CPA5: variants seen among roughly 807,000 people sequenced by gnomAD.
The protein encoded by CPA5 is carboxypeptidase A5, also known as testicular tissue protein Li 32.
In CPA5, 38 loss-of-function variants were observed where a neutral mutation model predicts 52.2. That is an observed-to-expected ratio of 0.73 (90% CI 0.56 to 0.95). CPA5 has a LOEUF of 0.95. Among genes scored for constraint, CPA5 ranks in the 40% least tolerant of loss-of-function variants. The pLI is 0.00. For synonymous variants in CPA5, 198 were observed against 213.7 expected, an observed-to-expected ratio of 0.93 and a Z score of 0.64; for missense variants, 519 against 566.7, an observed-to-expected ratio of 0.92 and a Z score of 0.86.
intron 8 of CPA5, 92 bp from the exon 9 acceptor site, chr7:130,362,791 TC>T: frequency 1.3e-6 from 1 of 780,298 alleles, no homozygotes; most frequent in Non-Finnish European, 2.2e-6. Flanking sequence ...TTTCATGCCA[TC>T]CCTTCCTGCA....
At chr7:130,353,726 C>G (rs1018520125) in intron 5 of CPA5, among the ~76,000 whole-genome samples, 1 of 152,164 alleles carries the variant, frequency 6.6e-6, no homozygotes, top group Non-Finnish European at 1.5e-5. Flanking sequence ...TCGTCCCTCA[C>G]CTGGGTTCTT....
chr7:130,361,116 C>T (rs1222003331), intron 6 of CPA5, 27 bp from the exon 7 acceptor site: 1 of 1,464,550 alleles, frequency 6.8e-7, no homozygotes. Flanking sequence ...GCTTAACTGC[C>T]AATCTTACAC....
chr7:130,346,047 A>T (rs1554402027), intron 2 of CPA5, 151 bp downstream of exon 2: 1 of 153,618 alleles, frequency 6.5e-6, no homozygotes, highest in East Asian at 1.9e-4. Context: ...TCCACACCTT[A>T]TGTGTAAGGA....
intron 6 of CPA5, among the ~76,000 whole-genome samples, chr7:130,360,241 G>T (rs1394431881): frequency 6.6e-6 from 1 of 152,198 alleles, no homozygotes; most frequent in Non-Finnish European, 1.5e-5. Flanking sequence ...CAATCCTCCA[G>T]CTAGGGACCT....
intron 5 of CPA5, among the ~76,000 whole-genome samples, chr7:130,354,540 C>T (rs905245660): frequency 1.3e-5 from 2 of 151,364 alleles, no homozygotes; most frequent in African/African-American, 2.4e-5. Context: ...ATTACAGGCA[C>T]ACACCACCAC....
chr7:130,361,312 T>A (rs1456734909), intron 7 of CPA5, 68 bp downstream of exon 7: 1 of 1,093,040 alleles, frequency 9.1e-7, no homozygotes, highest in Non-Finnish European at 1.4e-6. Context: ...TGATCTCATA[T>A]GGGGTAGTGG....
At position 130,346,394 on chromosome 7, in the gene CPA5, C is replaced by T; in HGVS notation, c.-92C>T. 6.7e-6 allele frequency: 6 copies of T among 898,614 alleles called. No homozygotes were observed. Among genetic ancestry groups the T allele is most frequent in the Non-Finnish European group, 1.0e-5 (6 of 584,834 alleles). The allele number at this position is 898,614 out of a possible 1,614,324, so 55.7% of individuals were successfully genotyped here. A position where few individuals can be genotyped will look rare whatever the true frequency, so the allele number is the denominator to read the frequency against. On this transcript the variant is annotated splice_region_variant and 5_prime_UTR_variant, in exon 3 of 13. Transcript: ENST00000474905. ...AGACAGCCTAATGCTCTTTCTCAGG[C>T]TGGGCTTTCCAGCCTCTAGGTGCTG...
downstream of CPA5, among the ~76,000 whole-genome samples, chr7:130,369,581 T>C (rs1278903305): frequency 6.6e-6 from 1 of 152,100 alleles, no homozygotes; most frequent in Admixed American, 6.6e-5. Flanking sequence ...ACATTAGTCG[T>C]GAGAGCAAGA....
intron 5 of CPA5, among the ~76,000 whole-genome samples, chr7:130,351,080 G>T (rs1276766530): frequency 7.2e-5 from 11 of 152,226 alleles, no homozygotes; most frequent in African/African-American, 2.2e-4. Context: ...AACGCATCAG[G>T]CAGCATTCCG....
Position 130,362,969 on chromosome 7 carries a change from A to T in CPA5, c.722A>T (p.Asp241Val), listed in dbSNP as rs201568625. The T allele has an allele frequency of 1.9e-5, 31 of 1,610,868 alleles. No homozygotes were observed. The Admixed American group carries it at 3.7e-4, about 19-fold the overall frequency. The change falls in exon 9 of 13, where the codon GAT becomes GTT. Residue 241 changes from aspartate to valine, a missense_variant. Asp to Val is a radical substitution (Grantham distance 152). Transcript: ENST00000474905. ...TTCATAGAGCTCGTCACAAACCCTG[A>T]TGGGTTTGCTTTTACCCACAGCATG... is the stretch of plus-strand genomic sequence containing the variant. ...DIFIELVTNP[D>V]GFAFTHSMNR... is the part of the protein sequence containing the mutation.
At chr7:130,356,404 T>C (rs1554405226) in intron 5 of CPA5, among the ~76,000 whole-genome samples, 2 of 152,180 alleles carry the variant, frequency 1.3e-5, no homozygotes, top group Non-Finnish European at 2.9e-5. Context: ...GTTTTGTTGT[T>C]TTTTCCTGAG....
intron 4 of CPA5, among the ~76,000 whole-genome samples, chr7:130,348,854 C>T (rs1025931307): frequency 4.6e-5 from 7 of 152,146 alleles, no homozygotes; most frequent in African/African-American, 1.4e-4. Flanking sequence ...AAACATTAAA[C>T]GGAAAATTCC....
downstream of CPA5, among the ~76,000 whole-genome samples, chr7:130,372,040 C>G (rs1175673704): frequency 6.6e-6 from 1 of 152,246 alleles, no homozygotes; most frequent in Admixed American, 6.5e-5. Flanking sequence ...CTGGAACATT[C>G]TTTTCTCCCT....
intron 10 of CPA5, among the ~76,000 whole-genome samples, chr7:130,365,651 T>C (rs1379692929): frequency 6.6e-6 from 1 of 152,248 alleles, no homozygotes; most frequent in Non-Finnish European, 1.5e-5. Flanking sequence ...GGCAGCCAAT[T>C]CCCATTTGGC....
intron 5 of CPA5, among the ~76,000 whole-genome samples, chr7:130,351,034 G>A (rs1171519099): frequency 6.6e-6 from 1 of 152,280 alleles, no homozygotes; most frequent in Non-Finnish European, 1.5e-5. Flanking sequence ...AGAGCCTCCC[G>A]GAGCGCACAC....
chr7:130,361,244 G>A lies in CPA5; in HGVS notation c.534G>A (p.Lys178=). Residue 178 remains lysine, a splice_region_variant and synonymous_variant, in exon 7 of 13, where the codon AAG becomes AAA. Transcript: ENST00000474905. ...SFENQSILVL[K]FSTGGSRHPA... ...AAAACCAGTCCATTCTTGTCCTGAA[G>A]GTAAAAGCCCACAATGTCAACCTGT... is the stretch of plus-strand genomic sequence containing the variant. 1.2e-6 allele frequency: 2 copies of A among 1,605,318 alleles called. No individual in the cohort carries two copies. Among genetic ancestry groups the A allele is most frequent in the Non-Finnish European group, 8.5e-7 (1 of 1,171,998 alleles).
chr7:130,361,285 G>C (rs1554406618), intron 7 of CPA5, 41 bp downstream of exon 7: 9 of 1,386,444 alleles, frequency 6.5e-6, no homozygotes, highest in Non-Finnish European at 9.3e-6. Flanking sequence ...CTACCTTGAG[G>C]GCCTCTGGCA....
intron 5 of CPA5, among the ~76,000 whole-genome samples, chr7:130,358,142 G>A (rs568320280): frequency 1.1e-3 from 164 of 152,102 alleles, no homozygotes; most frequent in African/African-American, 3.7e-3. Flanking sequence ...GCGGGCATGC[G>A]TCACCAAGCC....
chr7:130,353,368 C>G (rs891337993), intron 5 of CPA5, among the ~76,000 whole-genome samples: 21 of 152,180 alleles, frequency 1.4e-4, no homozygotes, highest in African/African-American at 5.1e-4. Flanking sequence ...GTCACTCTCT[C>G]CTTCCTGGAG....
Sources: allele counts gnomAD v4.1 joint callset (sites outside exome capture counted in the v4.1 genomes callset), GRCh38; gene constraint gnomAD v4.1.1; transcripts MANE v1.5; gene names NCBI Gene and HGNC (gene_info 2026-07-23, HGNC 2026-07-21).